Variants in ADAM8 observed in about 807,000 individuals in gnomAD.
ADAM8 encodes the protein ADAM metallopeptidase domain 8, also known as disintegrin and metalloproteinase domain-containing protein 8.
Under a neutral mutation model 102.4 loss-of-function variants are expected in ADAM8, and 104 were observed. That is an observed-to-expected ratio of 1.02 (90% CI 0.87 to 1.20). The LOEUF is 1.20. ADAM8 is among the 50% of genes most tolerant of loss of function. The pLI, the probability that ADAM8 is intolerant of heterozygous loss-of-function variation, is 0.00. For missense variants in ADAM8, 1,132 were observed against 1,159.0 expected (o/e 0.98, Z 0.34); for synonymous variants, 517 against 485.2 (o/e 1.07, Z -0.86).
intron 22 of ADAM8, 71 bp from the exon 23 acceptor site, chr10:133,263,304 A>C: frequency 7.2e-7 from 1 of 1,395,114 alleles, no homozygotes; most frequent in Non-Finnish European, 9.6e-7. Context: ...GGTACAACGA[A>C]ATTTTACGTC....
In ADAM8 at chr10:133,268,876, G is replaced by C; in HGVS notation, c.1949-14C>G. On this transcript the variant is annotated splice_polypyrimidine_tract_variant and intron_variant, in intron 18 of 22. Coordinates refer to ENST00000445355, the MANE Select transcript of ADAM8 (RefSeq NM_001109.5). ...GGCTCCCGGACGCTGTGGGACACAC[G>C]GCCCCACATCAGGCAGGCAGGCCGC... is the stretch of plus-strand genomic sequence containing the variant. 6.2e-7 allele frequency: 1 copy of C among 1,602,080 alleles called. No individual in the cohort carries two copies. Among genetic ancestry groups the C allele is most frequent in the Non-Finnish European group, 8.5e-7 (1 of 1,178,956 alleles).
In ADAM8 at chr10:133,270,717, C is replaced by T; in HGVS notation, c.1634+19G>A. 6.7e-7 allele frequency: 1 copy of T among 1,492,676 alleles called. No individual in the cohort carries two copies. The highest frequency in any genetic ancestry group is 8.9e-7 in the Non-Finnish European group (1 of 1,123,840). 92.5% of individuals were successfully genotyped at this position (1,492,676 alleles called of 1,614,324 possible). A position where few individuals can be genotyped will look rare whatever the true frequency, so the allele number is the denominator to read the frequency against. ...GTGGGAACAGCACATGTCCTGGGCC[C>T]AGGGCGGTCTCAGCTCACCTGTACC... On this transcript the variant is annotated intron_variant, in intron 15 of 22. Transcript: ENST00000445355.
chr10:133,272,745 C>CA (rs1015980747), intron 8 of ADAM8, 53 bp downstream of exon 8: 1 of 1,561,506 alleles, frequency 6.4e-7, no homozygotes, highest in African/African-American at 1.3e-5. Flanking sequence ...GCAACACCCC[C>CA]CCCACCTCCC....
intron 12 of ADAM8, 29 bp from the exon 13 acceptor site, chr10:133,271,318 C>G (rs1201422692): frequency 6.2e-7 from 1 of 1,600,060 alleles, no homozygotes; most frequent in South Asian, 1.1e-5. Flanking sequence ...CCTTGGCAGG[C>G]TGCACTGGGG....
Position 133,272,849 on chromosome 10 carries a change from G to T in ADAM8, c.654C>A (p.Ser218Arg). 1 of 1,610,900 alleles carries T rather than the reference G, an allele frequency of 6.2e-7. No individual in the cohort carries two copies. The highest frequency in any genetic ancestry group is 8.5e-7 in the Non-Finnish European group (1 of 1,178,660). ...VDNAEFQMLG[S>R]EAAVRHRVLE... ...GCACCCGATGACGCACGGCTGCTTC[G>T]CTCCCCAGCATCTGGAACTGGGGAC... The change falls in exon 8 of 23, where the codon AGC (serine) becomes AGA (arginine). Residue 218 changes from serine to arginine, a missense_variant. Transcript: ENST00000445355.
intron 12 of ADAM8, 86 bp from the exon 13 acceptor site, chr10:133,271,375 G>C: frequency 6.6e-7 from 1 of 1,510,008 alleles, no homozygotes; most frequent in Admixed American, 2.0e-5. Context: ...CTGACCACTG[G>C]GGTGCCCTGC....
chr10:133,271,370 C>G (rs763139535), intron 12 of ADAM8, 81 bp from the exon 13 acceptor site: 16 of 1,510,328 alleles, frequency 1.1e-5, no homozygotes, highest in Non-Finnish European at 1.4e-5. Context: ...CTCCCCTGAC[C>G]ACTGGGGTGC....
At chr10:133,269,597 C>A in intron 17 of ADAM8, 68 bp from the exon 18 acceptor site, 1 of 1,438,892 alleles carries the variant, frequency 6.9e-7, no homozygotes, top group East Asian at 2.4e-5. Context: ...GGCCGTGCCT[C>A]CAGCATGAGG....
chr10:133,272,827 C>A lies in ADAM8; in HGVS notation c.676G>T (p.Val226Leu). 6.2e-7 allele frequency: 1 copy of A among 1,611,404 alleles called. No homozygotes were observed. Among genetic ancestry groups the A allele is most frequent in the Non-Finnish European group, 8.5e-7 (1 of 1,178,998 alleles). Residue 226 changes from valine (V) to leucine (L), a missense_variant, in exon 8 of 23, where the codon GTG (valine) becomes TTG (leucine). By Grantham distance (32) the Val-to-Leu change is conservative (BLOSUM62 1). Coordinates refer to ENST00000445355, the MANE Select transcript of ADAM8 (RefSeq NM_001109.5). ...LGSEAAVRHR[V>L]LEVVNHVDKL... ...TCCACGTGATTCACCACCTCCAGCA[C>A]CCGATGACGCACGGCTGCTTCGCTC...
chr10:133,267,690 A>C (rs922657943), intron 20 of ADAM8, among the ~76,000 whole-genome samples: 1 of 152,150 alleles, frequency 6.6e-6, no homozygotes, highest in South Asian at 2.1e-4. Flanking sequence ...GGAGCCCCCA[A>C]GTTTAAGTTC....
In ADAM8 at chr10:133,269,880, C is replaced by G; in HGVS notation, c.1863+17G>C. Reference sequence around the variant, plus strand: ...CAGCCTCTGTGCAGGGGCCCTGTCCCGAGAGGCCACACATACCCCATGGTT... The same window carrying G: ...CAGCCTCTGTGCAGGGGCCCTGTCCGGAGAGGCCACACATACCCCATGGTT... On this transcript the variant is annotated intron_variant, in intron 17 of 22. Transcript: ENST00000445355. 1.2e-6 allele frequency: 2 copies of G among 1,612,248 alleles called. No homozygotes were observed. The highest frequency in any genetic ancestry group is 1.7e-6 in the Non-Finnish European group (2 of 1,179,688).
chr10:133,269,985 G>A lies in ADAM8; in HGVS notation c.1786-11C>T. On this transcript the variant is annotated splice_polypyrimidine_tract_variant and intron_variant, in intron 16 of 22. Coordinates refer to ENST00000445355, the MANE Select transcript of ADAM8 (RefSeq NM_001109.5). The stretch of plus-strand genomic sequence containing the variant: ...TCCTTTCCAGCAAACCTGGGGGTAG[G>A]AGGCGTCTCTCAGGCAGCCGCTCTG... 6.2e-7 allele frequency: 1 copy of A among 1,612,458 alleles called. No individual in the cohort carries two copies. Among genetic ancestry groups the A allele is most frequent in the African/African-American group, 1.3e-5 (1 of 75,074 alleles).
At chr10:133,271,397 C>G in intron 12 of ADAM8, 108 bp from the exon 13 acceptor site, 2 of 1,483,862 alleles carry the variant, frequency 1.3e-6, no homozygotes, top group Non-Finnish European at 9.1e-7. Context: ...GCCACTCCCT[C>G]CCTGTGACCG....
At chr10:133,267,230 T>G (rs965701797) in intron 21 of ADAM8, 122 bp downstream of exon 21, 7 of 1,139,682 alleles carry the variant, frequency 6.1e-6, no homozygotes, top group Middle Eastern at 1.9e-4. Context: ...CTAACCAGCC[T>G]TCTGTGTACA....
chr10:133,265,442 G>C (rs912399631), intron 21 of ADAM8, among the ~76,000 whole-genome samples: 2 of 152,146 alleles, frequency 1.3e-5, no homozygotes, highest in African/African-American at 2.4e-5. Context: ...TGCAACTCAC[G>C]TACAAGTCTG....
At chr10:133,264,331 G>T (rs1159018609) in intron 21 of ADAM8, among the ~76,000 whole-genome samples, 9 of 152,194 alleles carry the variant, frequency 5.9e-5, no homozygotes, top group Non-Finnish European at 8.8e-5. Context: ...AAAGTGCTGG[G>T]ATTACAGGCA....
Position 133,272,581 on chromosome 10 carries a change from T to C in ADAM8, c.710A>G (p.Tyr237Cys). The change falls in exon 9 of 23, where the codon TAT (tyrosine) becomes TGT (cysteine). Residue 237 changes from tyrosine (Y) to cysteine (C), a missense_variant. Transcript: ENST00000445355. ...GACCACACGGAAGTTGAGTTTCTGA[T>C]ATAGCTGGAGAGGTGGTGGAGTCCT... ...LEVVNHVDKL[Y>C]QKLNFRVVLV... The C allele has an allele frequency of 6.2e-7, 1 of 1,608,400 alleles. No individual in the cohort carries two copies. Among genetic ancestry groups the C allele is most frequent in the Non-Finnish European group, 8.5e-7 (1 of 1,178,024 alleles).
At position 133,272,533 on chromosome 10, in the gene ADAM8, T is replaced by C. The variant is rs1204435111; in HGVS notation, c.758A>G (p.Asn253Ser). The C allele has an allele frequency of 1.9e-6, 3 of 1,612,120 alleles. No homozygotes were observed. Among genetic ancestry groups the C allele is most frequent in the South Asian group, 2.2e-5 (2 of 91,080 alleles). ...RVVLVGLEIWNSQDRFHVSPD... is the reference protein window; with the variant it reads ...RVVLVGLEIWSSQDRFHVSPD... ...GCTGACGTGGAACCTGTCCTGACTA[T>C]TCCAAATCTCCAGGCCCACCAGGAC... The change falls in exon 9 of 23, where the codon AAT becomes AGT. Residue 253 changes from asparagine to serine, a missense_variant. Asn to Ser is a conservative substitution (Grantham distance 46). Coordinates refer to ENST00000445355, the MANE Select transcript of ADAM8 (RefSeq NM_001109.5).
intron 10 of ADAM8, 71 bp from the exon 11 acceptor site, chr10:133,272,025 G>C (rs1367051608): frequency 1.3e-5 from 20 of 1,582,864 alleles, no homozygotes; most frequent in Non-Finnish European, 1.6e-5. Flanking sequence ...ACCCCACCAG[G>C]GCCCAGGACT....
Sources: allele counts gnomAD v4.1 joint callset (sites outside exome capture counted in the v4.1 genomes callset), GRCh38; gene constraint gnomAD v4.1.1; transcripts MANE v1.5; gene names NCBI Gene and HGNC (gene_info 2026-07-23, HGNC 2026-07-21).